Variants in MIPOL1 observed in about 807,000 individuals in gnomAD.
MIPOL1 encodes the protein mirror-image polydactyly 1.
A neutral mutation model predicts 60.9 loss-of-function variants in MIPOL1; 57 were observed. The ratio of observed to expected loss-of-function variants is 0.94; its 90% CI spans 0.76 to 1.17. The LOEUF is 1.17. MIPOL1 is among the 50% of genes most tolerant of loss of function. The pLI, the probability that MIPOL1 is intolerant of heterozygous loss-of-function variation, is 0.00. For synonymous variants in MIPOL1, 179 were observed against 168.8 expected (o/e 1.06, Z -0.47); for missense variants, 551 against 511.6 (o/e 1.08, Z -0.74).
intron 10 of MIPOL1, among the ~76,000 whole-genome samples, chr14:37,389,896 G>A (rs768319663): frequency 1.2e-4 from 18 of 151,864 alleles, no homozygotes; most frequent in Non-Finnish European, 2.4e-4. Flanking sequence ...GATGGATTTT[G>A]CAGCTGTTTT....
intron 7 of MIPOL1, among the ~76,000 whole-genome samples, chr14:37,292,530 G>C (rs2085196179): frequency 7.1e-6 from 1 of 140,154 alleles, no homozygotes; most frequent in South Asian, 2.2e-4. Context: ...GCCCAGGCTG[G>C]AGTGCAGTGG....
At chr14:37,508,797 A>G (rs910269955) in intron 12 of MIPOL1, among the ~76,000 whole-genome samples, 1 of 152,116 alleles carries the variant, frequency 6.6e-6, no homozygotes, top group African/African-American at 2.4e-5. Context: ...CTTTGTGTAT[A>G]TTGGTTCCTC....
At chr14:37,473,361 C>CG (rs1566667530) in intron 11 of MIPOL1, among the ~76,000 whole-genome samples, 1 of 149,038 alleles carries the variant, frequency 6.7e-6, no homozygotes, top group Non-Finnish European at 1.5e-5. Context: ...CCAAATAAAC[C>CG]TTTTTTTTTT....
intron 8 of MIPOL1, 25 bp from the exon 9 acceptor site, chr14:37,308,324 G>C (rs761545348): frequency 1.1e-5 from 16 of 1,485,956 alleles, no homozygotes; most frequent in Admixed American, 2.5e-5. Context: ...CTTCATGTCT[G>C]ACTAACATAT....
At chr14:37,347,308 T>C (rs1398196672) in intron 9 of MIPOL1, among the ~76,000 whole-genome samples, 1 of 151,938 alleles carries the variant, frequency 6.6e-6, no homozygotes, top group Non-Finnish European at 1.5e-5. Flanking sequence ...ACGGACAGAA[T>C]TGAAAAAGCA....
intron 11 of MIPOL1, among the ~76,000 whole-genome samples, chr14:37,461,363 GAGACCCATTCACTATCATA>G (rs1163587627): frequency 5.9e-5 from 9 of 152,102 alleles, no homozygotes; most frequent in African/African-American, 2.2e-4. Flanking sequence ...CAGATCACAT[GAGACCCATTCACTATCATA>G]AGAACAGCAC....
At chr14:37,408,942 C>T (rs1003895965) in intron 10 of MIPOL1, among the ~76,000 whole-genome samples, 1 of 152,154 alleles carries the variant, frequency 6.6e-6, no homozygotes, top group African/African-American at 2.4e-5. Flanking sequence ...AACCCCCTTC[C>T]CCATGATAAG....
intron 1 of MIPOL1, among the ~76,000 whole-genome samples, chr14:37,223,801 C>A (rs1309236835): frequency 1.3e-5 from 2 of 152,120 alleles, no homozygotes; most frequent in African/African-American, 2.4e-5. Context: ...CTGCCTGGCC[C>A]CTCCTGGGTG....
chr14:37,280,583 C>T (rs992026186), intron 6 of MIPOL1, among the ~76,000 whole-genome samples: 1 of 152,092 alleles, frequency 6.6e-6, no homozygotes, highest in Non-Finnish European at 1.5e-5. Context: ...GTTAAGCTTT[C>T]TTTATATAAC....
chr14:37,215,935 G>T (rs1330290235), intron 1 of MIPOL1, among the ~76,000 whole-genome samples: 1 of 152,048 alleles, frequency 6.6e-6, no homozygotes, highest in African/African-American at 2.4e-5. Flanking sequence ...AGGCATGGTG[G>T]CAGGCACCTG....
chr14:37,361,346 G>C (rs945641221), intron 9 of MIPOL1, among the ~76,000 whole-genome samples: 1 of 152,176 alleles, frequency 6.6e-6, no homozygotes, highest in African/African-American at 2.4e-5. Context: ...CCTTGGTGCA[G>C]AGCTGCATTC....
At chr14:37,440,624 G>A (rs1426913560) in intron 11 of MIPOL1, among the ~76,000 whole-genome samples, 2 of 152,150 alleles carry the variant, frequency 1.3e-5, no homozygotes, top group African/African-American at 4.8e-5. Flanking sequence ...TTTTATAGCT[G>A]AGTAGTATTC....
At chr14:37,307,674 A>C (rs1306855137) in intron 7 of MIPOL1, among the ~76,000 whole-genome samples, 1 of 151,976 alleles carries the variant, frequency 6.6e-6, no homozygotes, top group Non-Finnish European at 1.5e-5. Flanking sequence ...GCCTTGTTTT[A>C]CTTATGATGG....
At chr14:37,336,777 T>C (rs2090152474) in intron 9 of MIPOL1, among the ~76,000 whole-genome samples, 1 of 152,128 alleles carries the variant, frequency 6.6e-6, no homozygotes, top group African/African-American at 2.4e-5. Flanking sequence ...TTTTTTTATT[T>C]TGAGACAGAG....
At chr14:37,251,687 A>G (rs1818213973) in intron 3 of MIPOL1, among the ~76,000 whole-genome samples, 1 of 152,040 alleles carries the variant, frequency 6.6e-6, no homozygotes, top group African/African-American at 2.4e-5. Context: ...GAAAAAAGAC[A>G]TAGAGATCGT....
At chr14:37,315,041 C>A (rs1469147978) in intron 9 of MIPOL1, among the ~76,000 whole-genome samples, 1 of 152,058 alleles carries the variant, frequency 6.6e-6, no homozygotes, top group East Asian at 1.9e-4. Flanking sequence ...AAAGTACTTT[C>A]AGGTAGTGGT....
chr14:37,266,931 A>T lies in MIPOL1; in HGVS notation c.20-7A>T. ...ATATCATGTGTTATTTGTTTGTTTA[A>T]ATACAGACATAACCCACAGTTATCT... On this transcript the variant is annotated splice_polypyrimidine_tract_variant and splice_region_variant and intron_variant, in intron 3 of 12. Transcript: ENST00000684589. 1 of 1,590,366 alleles carries T rather than the reference A, an allele frequency of 6.3e-7. No individual in the cohort carries two copies. Among genetic ancestry groups the T allele is most frequent in the Non-Finnish European group, 8.6e-7 (1 of 1,161,220 alleles).
chr14:37,258,790 T>C (rs1436526425), intron 3 of MIPOL1, among the ~76,000 whole-genome samples: 1 of 152,108 alleles, frequency 6.6e-6, no homozygotes, highest in African/African-American at 2.4e-5. Context: ...TCGGAACTTT[T>C]CCTCAATAGG....
intron 11 of MIPOL1, among the ~76,000 whole-genome samples, chr14:37,464,534 G>C (rs2094575996): frequency 1.3e-5 from 2 of 152,092 alleles, no homozygotes; most frequent in Non-Finnish European, 2.9e-5. Flanking sequence ...CTAAACAATG[G>C]ATACACGTGG....
Sources: gnomAD v4.1 joint callset for allele counts (sites outside exome capture counted in the v4.1 genomes callset) on GRCh38, gnomAD v4.1.1 for gene constraint, MANE v1.5 for transcripts, NCBI Gene and HGNC (gene_info 2026-07-23, HGNC 2026-07-21) for gene names.